Variants in CORO2B observed in about 807,000 individuals in gnomAD.
The protein encoded by CORO2B is coronin 2B.
A neutral mutation model predicts 58.8 loss-of-function variants in CORO2B; 26 were observed. That is an observed-to-expected ratio of 0.44 (90% CI 0.32 to 0.61). CORO2B has a LOEUF of 0.61. Among genes scored for constraint, CORO2B ranks in the 20% least tolerant of loss-of-function variants. The pLI, the probability that CORO2B is intolerant of heterozygous loss-of-function variation, is 0.04. For synonymous variants in CORO2B, 242 were observed against 253.8 expected, an observed-to-expected ratio of 0.95 and a Z score of 0.44; for missense variants, 460 against 645.1, an observed-to-expected ratio of 0.71 and a Z score of 3.11.
chr15:68,556,206 G>A, the CORO2B span, among the ~76,000 whole-genome samples: 1 of 152,228 alleles, frequency 6.6e-6, no homozygotes, highest in African/African-American at 2.4e-5. Context: ...TGACAGGGAT[G>A]CGTGGCAGGA....
chr15:68,625,643 C>T (rs888448938), intron 1 of CORO2B, among the ~76,000 whole-genome samples: 1 of 151,882 alleles, frequency 6.6e-6, no homozygotes, highest in Non-Finnish European at 1.5e-5. Flanking sequence ...CTTGCTTTGT[C>T]TCCCAGGCTA....
At chr15:68,577,438 G>A (rs1899308906), upstream of CORO2B, among the ~76,000 whole-genome samples, 1 of 152,072 alleles carries the variant, frequency 6.6e-6, no homozygotes, top group Non-Finnish European at 1.5e-5. Context: ...GTTAAAAATG[G>A]CAGGGCCGGG....
the CORO2B span, among the ~76,000 whole-genome samples, chr15:68,521,822 G>T: frequency 6.6e-6 from 1 of 150,476 alleles, no homozygotes; most frequent in Non-Finnish European, 1.5e-5. Context: ...GCTCACTGCA[G>T]CCTCGACCTC....
chr15:68,533,533 T>G, the CORO2B span, among the ~76,000 whole-genome samples: 172 of 152,326 alleles, frequency 1.1e-3, 1 homozygote, highest in Admixed American at 8.6e-3. Context: ...TGGGGCTAGA[T>G]GCAGTGCAGC....
chr15:68,574,303 G>C (rs548689652), upstream of CORO2B, among the ~76,000 whole-genome samples: 17 of 152,332 alleles, frequency 1.1e-4, 1 homozygote, highest in South Asian at 3.5e-3. Context: ...GCCTGGGGTG[G>C]CATAAGCGAG....
the CORO2B span, among the ~76,000 whole-genome samples, chr15:68,568,268 C>T: frequency 6.6e-6 from 1 of 152,024 alleles, no homozygotes; most frequent in African/African-American, 2.4e-5. Flanking sequence ...GCCCCCCACC[C>T]CACCCCCATC....
At chr15:68,552,986 A>G in the CORO2B span, among the ~76,000 whole-genome samples, 1 of 152,208 alleles carries the variant, frequency 6.6e-6, no homozygotes, top group South Asian at 2.1e-4. Context: ...TCCAACAAAC[A>G]TTCAGCCCAT....
At chr15:68,668,281 A>AGG (rs5813504) in intron 2 of CORO2B, among the ~76,000 whole-genome samples, 3 of 151,816 alleles carry the variant, frequency 2.0e-5, no homozygotes, top group African/African-American at 4.8e-5. Flanking sequence ...AGGGCTGGGG[A>AGG]GGGGGGCGCT....
At chr15:68,545,743 C>A in the CORO2B span, among the ~76,000 whole-genome samples, 519 of 152,210 alleles carry the variant, frequency 3.4e-3, 6 homozygotes, top group African/African-American at 0.012. Flanking sequence ...TAGTCCAATG[C>A]TGTAGGGGGA....
chr15:68,600,880 A>C (rs1408208676), intron 1 of CORO2B, among the ~76,000 whole-genome samples: 1 of 152,202 alleles, frequency 6.6e-6, no homozygotes, highest in Non-Finnish European at 1.5e-5. Context: ...ATGCAAACCC[A>C]GCAATTTCCC....
chr15:68,655,553 C>T (rs548315784), intron 2 of CORO2B, among the ~76,000 whole-genome samples: 3 of 152,314 alleles, frequency 2.0e-5, no homozygotes, highest in African/African-American at 7.2e-5. Context: ...CATGCCTGGA[C>T]ACCCTCTGGC....
intron 2 of CORO2B, among the ~76,000 whole-genome samples, chr15:68,651,651 G>A (rs528810349): frequency 2.7e-4 from 41 of 152,252 alleles, no homozygotes; most frequent in Admixed American, 1.8e-3. Flanking sequence ...ACAGCAGGCC[G>A]CAGAGAATTG....
the CORO2B span, among the ~76,000 whole-genome samples, chr15:68,531,675 A>G: frequency 6.6e-6 from 1 of 152,010 alleles, no homozygotes; most frequent in Non-Finnish European, 1.5e-5. Flanking sequence ...ATCTCAAAAA[A>G]GGAAAGAAAG....
At chr15:68,519,654 C>T in the CORO2B span, among the ~76,000 whole-genome samples, 1 of 152,180 alleles carries the variant, frequency 6.6e-6, no homozygotes, top group Admixed American at 6.5e-5. Context: ...TGTTTATACT[C>T]TATTTCATTA....
At chr15:68,670,351 T>A (rs1902349510) in intron 2 of CORO2B, among the ~76,000 whole-genome samples, 1 of 152,064 alleles carries the variant, frequency 6.6e-6, no homozygotes, top group South Asian at 2.1e-4. Context: ...ATTTTTTAAT[T>A]TTTTTTGGTA....
chr15:68,699,581 C>T (rs1456380086), intron 3 of CORO2B, among the ~76,000 whole-genome samples: 2 of 152,106 alleles, frequency 1.3e-5, no homozygotes, highest in South Asian at 2.1e-4. Context: ...ACTAAGCTCT[C>T]GCTCCAGCTG....
the CORO2B span, among the ~76,000 whole-genome samples, chr15:68,524,141 G>A: frequency 1.3e-5 from 2 of 152,042 alleles, no homozygotes; most frequent in South Asian, 2.1e-4. Context: ...TGAGAGGACC[G>A]CTTGAGCCCA....
intron 2 of CORO2B, among the ~76,000 whole-genome samples, chr15:68,647,699 A>AAAAAAAAAG (rs1555413714): frequency 1.3e-5 from 2 of 148,690 alleles, no homozygotes; most frequent in Admixed American, 6.7e-5. Context: ...CAAAAAAAAA[A>AAAAAAAAAG]AAAGAAAGAA....
intron 1 of CORO2B, among the ~76,000 whole-genome samples, chr15:68,606,918 G>T (rs1413246154): frequency 1.3e-5 from 2 of 152,176 alleles, no homozygotes; most frequent in Admixed American, 6.5e-5. Flanking sequence ...TCCATTGACT[G>T]TGGATTGACT....
Sources: allele counts gnomAD v4.1 joint callset (sites outside exome capture counted in the v4.1 genomes callset), GRCh38; gene constraint gnomAD v4.1.1; transcripts MANE v1.5; gene names NCBI Gene and HGNC (gene_info 2026-07-23, HGNC 2026-07-21).